KLRG1: variants seen among roughly 807,000 people sequenced by gnomAD.
KLRG1 encodes the protein killer cell lectin-like receptor subfamily G member 1.
A neutral mutation model predicts 21.8 loss-of-function variants in KLRG1; 16 were observed. The observed-to-expected ratio is 0.73, with a 90% CI of 0.50 to 1.11. The LOEUF (loss-of-function observed/expected upper bound fraction) is 1.11. Among genes scored for constraint, KLRG1 ranks in the 50% most tolerant of loss-of-function variants. KLRG1 has a pLI of 0.00. For missense variants in KLRG1, 173 were observed against 218.3 expected (o/e 0.79, Z 1.31); for synonymous variants, 69 against 75.9 (o/e 0.91, Z 0.47).
chr12:9,044,839 C>A, the KLRG1 span, among the ~76,000 whole-genome samples: 1 of 152,152 alleles, frequency 6.6e-6, no homozygotes, highest in African/African-American at 2.4e-5. Context: ...TTCAACAATT[C>A]TTATCCTGGC....
the KLRG1 span, among the ~76,000 whole-genome samples, chr12:9,078,190 T>C: frequency 7.9e-5 from 12 of 152,148 alleles, no homozygotes; most frequent in Admixed American, 7.9e-4. Flanking sequence ...TTCCCTCCCG[T>C]CACCCCACAC....
At chr12:9,168,621 T>G in the KLRG1 span, 1 of 380,740 alleles carries the variant, frequency 2.6e-6, no homozygotes, top group Admixed American at 4.4e-5. Flanking sequence ...TTCCCTCTCT[T>G]ACAGTACATC....
At chr12:9,062,509 C>T in the KLRG1 span, among the ~76,000 whole-genome samples, 2 of 145,322 alleles carry the variant, frequency 1.4e-5, no homozygotes, top group Admixed American at 1.4e-4. Context: ...AATCACCTGA[C>T]ACAATAGATG....
chr12:9,145,534 T>G, the KLRG1 span, among the ~76,000 whole-genome samples: 1 of 152,240 alleles, frequency 6.6e-6, no homozygotes, highest in African/African-American at 2.4e-5. Context: ...TTGTTATTTT[T>G]AATACTTTTC....
the KLRG1 span, among the ~76,000 whole-genome samples, chr12:9,054,294 A>G: frequency 1.3e-5 from 2 of 152,192 alleles, no homozygotes; most frequent in Non-Finnish European, 2.9e-5. Context: ...TTCTGTGATC[A>G]GATATATGCT....
chr12:9,115,729 A>G, the KLRG1 span: 1 of 1,518,320 alleles, frequency 6.6e-7, no homozygotes, highest in Non-Finnish European at 9.1e-7. Flanking sequence ...GAAGGACTCT[A>G]GGTTCATGCT....
At chr12:9,002,146 A>C (rs967776154) in intron 3 of KLRG1, among the ~76,000 whole-genome samples, 2 of 152,158 alleles carry the variant, frequency 1.3e-5, no homozygotes, top group African/African-American at 4.8e-5. Context: ...ATTTATTTAC[A>C]TTATATTCCC....
the KLRG1 span, chr12:9,169,687 T>C: frequency 2.7e-5 from 32 of 1,203,376 alleles, no homozygotes; most frequent in Non-Finnish European, 3.5e-5. Context: ...ACCAATCTTT[T>C]CTTGAGTACG....
the KLRG1 span, among the ~76,000 whole-genome samples, chr12:9,050,416 C>T: frequency 6.6e-6 from 1 of 152,232 alleles, no homozygotes; most frequent in Admixed American, 6.5e-5. Context: ...TGCTATCATG[C>T]CCCATGCAGC....
chr12:9,043,804 T>A, the KLRG1 span, among the ~76,000 whole-genome samples: 1 of 152,250 alleles, frequency 6.6e-6, no homozygotes, highest in African/African-American at 2.4e-5. Context: ...ATCTTGCAGC[T>A]TCTTCCTATA....
rs764595717 is a variant in KLRG1 at position 8,959,559 on chromosome 12, C to T, written c.-156+9323C>T. Among the ~76,000 whole-genome samples, 5 of 152,312 alleles carry T rather than the reference C, an allele frequency of 3.3e-5. No individual in the cohort carries two copies. In the East Asian group the frequency reaches 5.8e-4, roughly 18 times the overall value. On this transcript the variant is annotated intron_variant, in intron 1 of 4. Coordinates refer to the KLRG1 transcript ENST00000539240. The stretch of plus-strand genomic sequence containing the variant: ...GGGGATGAGTTTGAAAAGTGTCTGT[C>T]GTTCTCCTCACTTGGCTGGCCCTGC...
the KLRG1 span, chr12:9,196,527 A>G: frequency 6.3e-7 from 1 of 1,575,062 alleles, no homozygotes; most frequent in East Asian, 2.2e-5. Context: ...TGTTATGGAA[A>G]GTAAACTATT....
At chr12:8,999,301 G>A (rs1265230894) in intron 3 of KLRG1, among the ~76,000 whole-genome samples, 1 of 152,158 alleles carries the variant, frequency 6.6e-6, no homozygotes. Context: ...TTATTTTAAA[G>A]TATGCATTCG....
chr12:8,976,866 C>A (rs1946664682), intron 1 of KLRG1, among the ~76,000 whole-genome samples: 1 of 152,006 alleles, frequency 6.6e-6, no homozygotes. Flanking sequence ...CCTGCCTCAG[C>A]CTCCTAAGTA....
chr12:9,197,710 CAATACATAATATATAT>C, the KLRG1 span, among the ~76,000 whole-genome samples: 1 of 78,142 alleles, frequency 1.3e-5, no homozygotes, highest in East Asian at 3.4e-4. Flanking sequence ...ATATATTATA[CAATACATAATATATAT>C]AATTATATAT....
chr12:8,959,722 T>TA (rs1946352633), intron 1 of KLRG1, among the ~76,000 whole-genome samples: 3 of 152,226 alleles, frequency 2.0e-5, no homozygotes, highest in Admixed American at 1.3e-4. Context: ...AGCAATGTTT[T>TA]ACAGTTTTCA....
At chr12:9,164,374 G>T in the KLRG1 span, 2 of 1,122,538 alleles carry the variant, frequency 1.8e-6, no homozygotes, top group East Asian at 2.5e-5. Flanking sequence ...TAAGAAAAAT[G>T]TATGTCACAT....
At chr12:9,202,257 C>G in the KLRG1 span, 2 of 1,398,684 alleles carry the variant, frequency 1.4e-6, no homozygotes, top group Non-Finnish European at 2.0e-6. Context: ...ACCTTTCTAC[C>G]TCACTCTGGG....
At chr12:9,089,809 A>G in the KLRG1 span, 6 of 896,588 alleles carry the variant, frequency 6.7e-6, no homozygotes, top group Non-Finnish European at 9.3e-6. Flanking sequence ...AGAGAGATAC[A>G]TGAGAATAAT....
Sources: allele counts gnomAD v4.1 joint callset (sites outside exome capture counted in the v4.1 genomes callset), GRCh38; gene constraint gnomAD v4.1.1; transcripts MANE v1.5; gene names NCBI Gene and HGNC (gene_info 2026-07-23, HGNC 2026-07-21).